PCDHGA6: variants seen among roughly 807,000 people sequenced by gnomAD.
PCDHGA6 encodes the protein protocadherin gamma-A6.
Under a neutral mutation model 60.6 loss-of-function variants are expected in PCDHGA6, and 41 were observed. The observed-to-expected ratio is 0.68, with a 90% CI of 0.53 to 0.88. The LOEUF is 0.88. Among genes scored for constraint, PCDHGA6 ranks in the 40% least tolerant of loss-of-function variants. The probability of loss-of-function intolerance (pLI) is 0.00; values close to 1 mark genes in which losing one functional copy is unlikely to be tolerated. For missense variants in PCDHGA6, 1,312 were observed against 1,203.0 expected (o/e 1.09, Z -1.34); for synonymous variants, 594 against 524.4 (o/e 1.13, Z -1.81).
chr5:141,481,021 GC>G (rs2099529893), intron 1 of PCDHGA6, among the ~76,000 whole-genome samples: 1 of 152,076 alleles, frequency 6.6e-6, no homozygotes, highest in Non-Finnish European at 1.5e-5. Context: ...TCACACCACT[GC>G]ACTCCAGCCT....
chr5:141,509,421 A>T (rs939726886), intron 3 of PCDHGA6, among the ~76,000 whole-genome samples: 5 of 152,088 alleles, frequency 3.3e-5, no homozygotes, highest in Non-Finnish European at 1.5e-5. Context: ...AGCCCCAATG[A>T]GTCAAACTCT....
At chr5:141,414,508 C>T in intron 1 of PCDHGA6, 1 of 1,613,970 alleles carries the variant, frequency 6.2e-7, no homozygotes, top group Non-Finnish European at 8.5e-7. Context: ...CTTTATGCTA[C>T]AAGTGGCAGA....
chr5:141,407,704 T>C (rs977444941), intron 1 of PCDHGA6, among the ~76,000 whole-genome samples: 5 of 152,144 alleles, frequency 3.3e-5, no homozygotes, highest in Admixed American at 1.3e-4. Context: ...TTGTTGAAGG[T>C]GGGGTGATGG....
intron 1 of PCDHGA6, chr5:141,392,622 A>C: frequency 3.6e-6 from 2 of 558,650 alleles, no homozygotes; most frequent in Non-Finnish European, 6.1e-6. Flanking sequence ...AACCGAAAAC[A>C]CTCAGATCTC....
At chr5:141,408,776 C>A in intron 1 of PCDHGA6, 2 of 1,611,684 alleles carry the variant, frequency 1.2e-6, no homozygotes, top group Non-Finnish European at 1.7e-6. Flanking sequence ...TGGCAAATAC[C>A]CAGAGTTATC....
chr5:141,384,768 G>C (rs1046016115), intron 1 of PCDHGA6: 4 of 1,613,804 alleles, frequency 2.5e-6, no homozygotes, highest in Non-Finnish European at 3.4e-6. Context: ...GGCTGTACAC[G>C]GGCGAGGTGC....
chr5:141,426,542 T>C, intron 1 of PCDHGA6: 1 of 347,918 alleles, frequency 2.9e-6, no homozygotes, highest in South Asian at 2.2e-5. Context: ...AACATACTTG[T>C]GAGTGACAGA....
At chr5:141,393,459 G>C (rs988813968) in intron 1 of PCDHGA6, 1 of 1,613,928 alleles carries the variant, frequency 6.2e-7, no homozygotes, top group Non-Finnish European at 8.5e-7. Flanking sequence ...CACGGCCTCG[G>C]ATGGCGGCAA....
chr5:141,432,873 T>A lies in PCDHGA6; in HGVS notation c.2424+56366T>A, dbSNP rs753576338. ...GTGGCCGCGGTCTCCTGCGTCTTCCTGGCCTTCGTCATCTTGCTGCTGGCG... is the reference window on the plus strand; with the variant it reads ...GTGGCCGCGGTCTCCTGCGTCTTCCAGGCCTTCGTCATCTTGCTGCTGGCG... On this transcript the variant is annotated intron_variant, in intron 1 of 3. Transcript: ENST00000517434. This position sits in a 1 kb window ranked among gnomAD's most constrained non-coding sequence, Gnocchi z 6.0. 1.4e-5 allele frequency: 22 copies of A among 1,614,204 alleles called. No individual in the cohort carries two copies. The highest frequency in any genetic ancestry group is 3.3e-4 in the Middle Eastern group (2 of 6,062).
chr5:141,478,394 G>T (rs2099453142), intron 1 of PCDHGA6: 4 of 1,613,586 alleles, frequency 2.5e-6, no homozygotes, highest in Non-Finnish European at 3.4e-6. Flanking sequence ...TTACCATCAG[G>T]TGTATCTCAC....
intron 1 of PCDHGA6, chr5:141,422,819 TGA>T (rs766395950): frequency 1.9e-5 from 31 of 1,614,068 alleles, no homozygotes; most frequent in Middle Eastern, 1.6e-4. Flanking sequence ...GACTTAGAAC[TGA>T]GAGTGATAGC....
intron 2 of PCDHGA6, among the ~76,000 whole-genome samples, chr5:141,502,759 C>T (rs535899844): frequency 9.9e-5 from 15 of 152,130 alleles, no homozygotes; most frequent in African/African-American, 3.6e-4. Context: ...CATGTATTTG[C>T]TGGTATTCTT....
intron 2 of PCDHGA6, among the ~76,000 whole-genome samples, chr5:141,503,351 C>T (rs1186394919): frequency 6.6e-6 from 1 of 151,994 alleles, no homozygotes; most frequent in Admixed American, 6.6e-5. Context: ...AATTCCAGCA[C>T]TTTGGGAAGC....
Position 141,374,204 on chromosome 5 carries a change from A to G in PCDHGA6, c.121A>G (p.Lys41Glu). The G allele has an allele frequency of 6.2e-7, 1 of 1,613,902 alleles. No homozygotes were observed. ...CTACTCTATTCCCGAGGAGCTGGAG[A>G]AAGGCTCCTTCGTAGGCAACATCGT... ...IRYSIPEELE[K>E]GSFVGNIVKD... The change falls in exon 1 of 4, where the codon AAA becomes GAA. Residue 41 changes from lysine to glutamate, a missense_variant. Transcript: ENST00000517434.
intron 1 of PCDHGA6, 50 bp downstream of exon 1, chr5:141,376,557 C>A: frequency 6.2e-7 from 1 of 1,609,994 alleles, no homozygotes; most frequent in Non-Finnish European, 8.5e-7. Flanking sequence ...CTTCCCGCAA[C>A]CCAACTAATC....
At chr5:141,480,285 T>C (rs1369369395) in intron 1 of PCDHGA6, among the ~76,000 whole-genome samples, 1 of 151,924 alleles carries the variant, frequency 6.6e-6, no homozygotes, top group East Asian at 1.9e-4. Flanking sequence ...TGTGTTGGCA[T>C]GCACCTGTGG....
chr5:141,451,001 A>T (rs909477017), intron 1 of PCDHGA6, among the ~76,000 whole-genome samples: 2 of 148,266 alleles, frequency 1.3e-5, no homozygotes, highest in Middle Eastern at 3.4e-3. Context: ...ATTTTTTTGT[A>T]TTTTTTTTAG....
rs1468210173 is a variant in PCDHGA6 at position 141,512,170 on chromosome 5, A to T, written c.*997A>T. 1 of 152,720 alleles carries T rather than the reference A, an allele frequency of 6.5e-6. No homozygotes were observed. The highest frequency in any genetic ancestry group is 1.5e-5 in the Non-Finnish European group (1 of 68,120). The allele number at this position is 152,720 out of a possible 1,614,324, so 9.5% of individuals were successfully genotyped here. On this transcript the variant is annotated 3_prime_UTR_variant, in exon 4 of 4. Coordinates refer to ENST00000517434, the MANE Select transcript of PCDHGA6 (RefSeq NM_018919.3). ...TGGGCTGAGCTAACAGGACCAATGG[A>T]TTAAACTGGCATTTCAGTCCAAGGA...
At chr5:141,403,704 T>C (rs1207597755) in intron 1 of PCDHGA6, 2 of 1,613,846 alleles carry the variant, frequency 1.2e-6, no homozygotes, top group East Asian at 4.5e-5. Context: ...CGAGTTAAAG[T>C]CCTTGAGAAC....
Sources: gnomAD v4.1 joint callset for allele counts (sites outside exome capture counted in the v4.1 genomes callset) on GRCh38, gnomAD v4.1.1 for gene constraint, Gnocchi (gnomAD v3.1) non-coding constraint, MANE v1.5 for transcripts, NCBI Gene and HGNC (gene_info 2026-07-23, HGNC 2026-07-21) for gene names.